Variants in PTPRA observed in about 807,000 individuals in gnomAD.
The protein encoded by PTPRA is receptor-type tyrosine-protein phosphatase alpha.
In PTPRA, 25 loss-of-function variants were observed where a neutral mutation model predicts 104.8. That is an observed-to-expected ratio of 0.24 (90% CI 0.17 to 0.33). The LOEUF (loss-of-function observed/expected upper bound fraction) is 0.33, where lower values mean the gene tolerates loss of function less well. Among genes scored for constraint, PTPRA ranks in the 10% least tolerant of loss-of-function variants. The pLI is 1.00. For synonymous variants in PTPRA, 323 were observed against 368.9 expected, an observed-to-expected ratio of 0.88 and a Z score of 1.43; for missense variants, 765 against 1,015.3, an observed-to-expected ratio of 0.75 and a Z score of 3.35.
At chr20:3,027,019 C>A in intron 18 of PTPRA, 102 bp from the exon 19 acceptor site, 1 of 1,285,376 alleles carries the variant, frequency 7.8e-7, no homozygotes, top group Non-Finnish European at 1.1e-6. Flanking sequence ...TGTCCTTGCC[C>A]AGCTGGGATT....
At chr20:2,976,298 T>G (rs2062428987) in intron 6 of PTPRA, among the ~76,000 whole-genome samples, 1 of 152,224 alleles carries the variant, frequency 6.6e-6, no homozygotes, top group Non-Finnish European at 1.5e-5. Flanking sequence ...AGATATTTAC[T>G]TGCTCCCTAA....
chr20:2,864,265 C>A, the PTPRA span: 2 of 1,614,152 alleles, frequency 1.2e-6, no homozygotes, highest in Non-Finnish European at 1.7e-6. This position sits in a 1 kb window ranked among gnomAD's most constrained non-coding sequence, Gnocchi z 5.2. Context: ...GCAAGGCCAT[C>A]GAGAGCGGGG....
chr20:2,978,510 AGT>A (rs1369077763), intron 6 of PTPRA, among the ~76,000 whole-genome samples: 4 of 152,318 alleles, frequency 2.6e-5, no homozygotes, highest in Admixed American at 6.5e-5. Context: ...GTAGTTGACC[AGT>A]GTGTGTCTGA....
At chr20:2,990,793 G>A (rs563959468) in intron 9 of PTPRA, among the ~76,000 whole-genome samples, 4 of 152,240 alleles carry the variant, frequency 2.6e-5, no homozygotes, top group African/African-American at 7.2e-5. Flanking sequence ...AGAATAGGAG[G>A]TCTGGTAAAG....
At chr20:3,011,643 G>A (rs909055687) in intron 11 of PTPRA, among the ~76,000 whole-genome samples, 2 of 152,202 alleles carry the variant, frequency 1.3e-5, no homozygotes, top group African/African-American at 4.8e-5. Flanking sequence ...GGTATAAGAT[G>A]GGAAGTGGTG....
chr20:3,035,827 A>G lies in PTPRA; in HGVS notation c.2084A>G (p.His695Arg). 1.9e-6 allele frequency: 3 copies of G among 1,614,206 alleles called. No homozygotes were observed. The highest frequency in any genetic ancestry group is 1.1e-5 in the South Asian group (1 of 91,092). The change falls in exon 22 of 24, where the codon CAT becomes CGT. Residue 695 changes from histidine to arginine, a missense_variant. His to Arg is a conservative substitution (Grantham distance 29). This residue lies in a region of PTPRA where 192 missense variants were observed against 227.0 expected (regional missense o/e 0.85). Coordinates refer to ENST00000399903, the MANE Select transcript of PTPRA (RefSeq NM_001385305.1). This position sits in a 1 kb window ranked among gnomAD's most constrained non-coding sequence, Gnocchi z 5.8. ...KSRQIRQFHF[H>R]GWPEVGIPSD... ...CGGCAGATCCGGCAGTTCCACTTCC[A>G]TGGCTGGCCTGAAGTGGGCATCCCC...
intron 2 of PTPRA, among the ~76,000 whole-genome samples, chr20:2,936,145 C>T (rs760676249): frequency 6.6e-6 from 1 of 152,004 alleles, no homozygotes; most frequent in African/African-American, 2.4e-5. Flanking sequence ...AGCCATGAGC[C>T]CCTGCACCCA....
At chr20:2,937,183 G>A (rs534686988) in intron 2 of PTPRA, among the ~76,000 whole-genome samples, 10 of 149,634 alleles carry the variant, frequency 6.7e-5, no homozygotes, top group Non-Finnish European at 8.9e-5. Context: ...GAGTGCAGTG[G>A]CGTGATCTCA....
intron 3 of PTPRA, among the ~76,000 whole-genome samples, chr20:2,961,005 C>A (rs1179832563): frequency 2.6e-5 from 4 of 152,026 alleles, no homozygotes; most frequent in Admixed American, 6.6e-5. Flanking sequence ...TCTGGATGTG[C>A]CATCACTTAT....
chr20:2,881,105 G>A (rs944198087), intron 1 of PTPRA, among the ~76,000 whole-genome samples: 3 of 151,684 alleles, frequency 2.0e-5, no homozygotes, highest in East Asian at 1.9e-4. Context: ...TCAAGAGATC[G>A]AGACCATCCT....
intron 6 of PTPRA, 60 bp from the exon 7 acceptor site, chr20:2,986,705 C>A (rs898440110): frequency 9.9e-5 from 143 of 1,445,306 alleles, no homozygotes; most frequent in South Asian, 4.0e-4. Context: ...CCCTGAATGG[C>A]TGACTTAAGC....
chr20:2,957,239 C>G lies in PTPRA; in HGVS notation c.-6-7033C>G, dbSNP rs527580144. On this transcript the variant is annotated intron_variant, in intron 3 of 23. Transcript: ENST00000399903. ...GGCGGAGCTTGCACTGAGCCGAGAT[C>G]GCGCCACAACATTCGAGCCTGGGCG... Among the ~76,000 whole-genome samples the G allele has an allele frequency of 3.3e-5, 5 of 152,252 alleles. No individual in the cohort carries two copies. In the East Asian group the frequency reaches 7.7e-4, roughly 24 times the overall value.
chr20:2,885,320 T>C (rs2090319933), intron 1 of PTPRA, among the ~76,000 whole-genome samples: 1 of 152,214 alleles, frequency 6.6e-6, no homozygotes, highest in Non-Finnish European at 1.5e-5. Flanking sequence ...GTTGCATCTA[T>C]AAAATTCTCA....
Position 3,037,320 on chromosome 20 carries a change from C to T in PTPRA, c.2334+31C>T. The T allele has an allele frequency of 3.7e-6, 6 of 1,611,016 alleles. No individual in the cohort carries two copies. Among genetic ancestry groups the T allele is most frequent in the Non-Finnish European group, 5.1e-6 (6 of 1,178,468 alleles). On this transcript the variant is annotated intron_variant, in intron 23 of 23. Transcript: ENST00000399903. This position sits in a 1 kb window ranked among gnomAD's most constrained non-coding sequence, Gnocchi z 4.3. ...CTGCCCACATATTTGTCCCTGCCAC[C>T]ACACCACCTGCAGCCCTTCTCTCAG...
At chr20:2,993,106 GA>G (rs1205732555) in intron 9 of PTPRA, among the ~76,000 whole-genome samples, 1 of 133,662 alleles carries the variant, frequency 7.5e-6, no homozygotes, top group African/African-American at 3.7e-5. Context: ...TAGGTAGATT[GA>G]TTGATTGATC....
At chr20:2,894,323 C>T (rs2181870) in intron 1 of PTPRA, among the ~76,000 whole-genome samples, 62,980 of 151,956 alleles carry the variant, frequency 0.41, 13,470 homozygotes, top group East Asian at 0.64. Flanking sequence ...CCCCATAATC[C>T]TGCTTATTTT....
intron 1 of PTPRA, among the ~76,000 whole-genome samples, chr20:2,886,808 A>G (rs1318033122): frequency 1.3e-5 from 2 of 151,472 alleles, no homozygotes; most frequent in Admixed American, 6.6e-5. Context: ...CTGAGCCGAG[A>G]TCGCACCATT....
intron 2 of PTPRA, among the ~76,000 whole-genome samples, chr20:2,934,078 A>C (rs972995583): frequency 5.9e-5 from 9 of 152,158 alleles, no homozygotes; most frequent in Non-Finnish European, 1.2e-4. Context: ...TGAGTAGTTC[A>C]GCAGTTTCTA....
intron 10 of PTPRA, among the ~76,000 whole-genome samples, chr20:3,006,929 C>T (rs111972080): frequency 0.055 from 8,311 of 152,076 alleles, 718 homozygotes; most frequent in African/African-American, 0.19. Context: ...CATGCTCGGC[C>T]TTGTCTTCTT....
Sources: gnomAD v4.1 joint callset for allele counts (sites outside exome capture counted in the v4.1 genomes callset) on GRCh38, gnomAD v4.1.1 for gene constraint, gnomAD v4.1.1 regional missense constraint, Gnocchi (gnomAD v3.1) non-coding constraint, MANE v1.5 for transcripts, NCBI Gene and HGNC (gene_info 2026-07-23, HGNC 2026-07-21) for gene names.